The following NRXN2 variants were observed in gnomAD, a reference collection of about 807,000 sequenced individuals.
NRXN2 encodes the protein neurexin-2-beta.
A neutral mutation model predicts 128.8 loss-of-function variants in NRXN2; 29 were observed. That is an observed-to-expected ratio of 0.23 (90% CI 0.17 to 0.31). The LOEUF is 0.31. Among genes scored for constraint, NRXN2 ranks in the 10% least tolerant of loss-of-function variants. The pLI is 1.00. For synonymous variants in NRXN2, 1,098 were observed against 1,075.2 expected, an observed-to-expected ratio of 1.02 and a Z score of -0.41; for missense variants, 1,881 against 2,452.6, an observed-to-expected ratio of 0.77 and a Z score of 4.92.
At chr11:64,638,315 A>C (rs1037842710) in intron 17 of NRXN2, among the ~76,000 whole-genome samples, 1 of 152,230 alleles carries the variant, frequency 6.6e-6, no homozygotes, top group Admixed American at 6.5e-5. Context: ...CTTGGGCAGA[A>C]GAGGTGAAGG....
intron 6 of NRXN2, among the ~76,000 whole-genome samples, chr11:64,683,002 G>C (rs2052517276): frequency 6.6e-6 from 1 of 152,086 alleles, no homozygotes; most frequent in African/African-American, 2.4e-5. Context: ...AGTCTTTGGA[G>C]CTGGCCTTTG....
Position 64,651,799 on chromosome 11 carries a change from C to G in NRXN2, c.2537-163G>C, listed in dbSNP as rs2135455865. Among the ~76,000 whole-genome samples the G allele has an allele frequency of 6.6e-6, 1 of 152,220 alleles. No homozygotes were observed. The highest frequency in any genetic ancestry group is 2.1e-4 in the South Asian group (1 of 4,816). ...GCCAGCACAGCTCCAAGAGGAGTGGCAGGACTCGCCAGTCAAGAGCCAACA... is the reference window on the plus strand; with the variant it reads ...GCCAGCACAGCTCCAAGAGGAGTGGGAGGACTCGCCAGTCAAGAGCCAACA... On this transcript the variant is annotated intron_variant, in intron 13 of 22. Transcript: ENST00000265459. The surrounding 1 kb of genome is among the most constrained non-coding windows in gnomAD (Gnocchi z 5.9).
At chr11:64,657,727 G>A (rs749049879) in intron 11 of NRXN2, among the ~76,000 whole-genome samples, 1 of 152,204 alleles carries the variant, frequency 6.6e-6, no homozygotes, top group East Asian at 1.9e-4. Context: ...AGGCTTGGTG[G>A]CTGGGTAGGG....
At chr11:64,629,983 C>A (rs895909994) in intron 19 of NRXN2, among the ~76,000 whole-genome samples, 2 of 152,070 alleles carry the variant, frequency 1.3e-5, no homozygotes, top group South Asian at 4.1e-4. Flanking sequence ...TGCCAAGACA[C>A]GTTTTATATT....
At chr11:64,712,719 C>G (rs2057056138) in intron 2 of NRXN2, 2 of 652,444 alleles carry the variant, frequency 3.1e-6, no homozygotes, top group Non-Finnish European at 5.8e-6. Context: ...ACACAGGCTG[C>G]CCACAGGTCG....
Position 64,626,479 on chromosome 11 carries a change from C to T in NRXN2, c.3831G>A (p.Glu1277=), listed in dbSNP as rs2043082556. ...IPYRLGRVVD[E]WLLDKGRQLT... The stretch of plus-strand genomic sequence containing the variant: ...GTTAATTACCTTTGTCGAGCAGCCA[C>T]TCATCTACTACTCGACCAAGCCGGT... Residue 1277 remains glutamate, a synonymous_variant, in exon 20 of 23, where the codon GAG becomes GAA. Transcript: ENST00000265459. 1 of 1,612,188 alleles carries T rather than the reference C, an allele frequency of 6.2e-7. No homozygotes were observed. Among genetic ancestry groups the T allele is most frequent in the Non-Finnish European group, 8.5e-7 (1 of 1,178,370 alleles).
chr11:64,705,774 C>T (rs945985710), intron 2 of NRXN2, among the ~76,000 whole-genome samples: 3 of 151,310 alleles, frequency 2.0e-5, no homozygotes, highest in African/African-American at 7.3e-5. Flanking sequence ...ATTCCCCTCT[C>T]CTCTCACCCC....
At chr11:64,662,760 C>T (rs1177467293) in intron 9 of NRXN2, among the ~76,000 whole-genome samples, 14 of 151,180 alleles carry the variant, frequency 9.3e-5, no homozygotes, top group South Asian at 6.3e-4. Context: ...CCAGTCTGGG[C>T]GACAGAGCGA....
intron 17 of NRXN2, among the ~76,000 whole-genome samples, chr11:64,645,726 G>GT (rs1688814919): frequency 6.6e-6 from 1 of 152,104 alleles, no homozygotes; most frequent in Non-Finnish European, 1.5e-5. Flanking sequence ...AATTGAGGTG[G>GT]TAAGTGGGGA....
intron 22 of NRXN2, among the ~76,000 whole-genome samples, chr11:64,609,469 G>T (rs551191423): frequency 6.6e-6 from 1 of 152,184 alleles, no homozygotes; most frequent in Non-Finnish European, 1.5e-5. Context: ...GGGGAGAATG[G>T]GTCTCCCCAT....
chr11:64,658,998 T>C lies in NRXN2; in HGVS notation c.2389+1334A>G, dbSNP rs556879377. On this transcript the variant is annotated intron_variant, in intron 11 of 22. Coordinates refer to ENST00000265459, the MANE Select transcript of NRXN2 (RefSeq NM_015080.4). ...CAGATCACGCCACTGCACTCCCACCTGGGTGAAAGAGCGAGACTCCATCTC... is the reference window on the plus strand; with the variant it reads ...CAGATCACGCCACTGCACTCCCACCCGGGTGAAAGAGCGAGACTCCATCTC... 3.3e-5 allele frequency among the ~76,000 whole-genome samples: 5 copies of C among 152,334 alleles called. No homozygotes were observed. The South Asian group carries it at 1.0e-3, about 32-fold the overall frequency.
At chr11:64,715,720 C>T (rs1336318808) in intron 1 of NRXN2, among the ~76,000 whole-genome samples, 3 of 152,130 alleles carry the variant, frequency 2.0e-5, no homozygotes, top group Non-Finnish European at 4.4e-5. Context: ...GAATGTCCTG[C>T]CCCAACACCC....
rs2048873351 is a variant in NRXN2 at position 64,660,506 on chromosome 11, T to C, written c.2215A>G (p.Met739Val). The part of the protein sequence containing the change: ...EATVLSYDGS[M>V]YMKIMLPNAM... ...TTAGGCAGCATGATCTTCATGTACATGGAGCCATCGTAGCTCAGGACCGTG... is the reference window on the plus strand; with the variant it reads ...TTAGGCAGCATGATCTTCATGTACACGGAGCCATCGTAGCTCAGGACCGTG... The change falls in exon 11 of 23, where the codon ATG (methionine) becomes GTG (valine). Residue 739 changes from methionine to valine, a missense_variant. Coordinates refer to ENST00000265459, the MANE Select transcript of NRXN2 (RefSeq NM_015080.4). This position sits in a 1 kb window ranked among gnomAD's most constrained non-coding sequence, Gnocchi z 5.2. 6.2e-7 allele frequency: 1 copy of C among 1,614,082 alleles called. No individual in the cohort carries two copies. The highest frequency in any genetic ancestry group is 1.3e-5 in the African/African-American group (1 of 74,930).
chr11:64,611,187 G>A (rs558180282), intron 22 of NRXN2, among the ~76,000 whole-genome samples: 2 of 152,322 alleles, frequency 1.3e-5, no homozygotes, highest in African/African-American at 4.8e-5. Context: ...TTTCCTCTGA[G>A]CCAGGCCAGG....
chr11:64,607,228 T>C lies in NRXN2; in HGVS notation c.5107A>G (p.Lys1703Glu). The change falls in exon 23 of 23, where the codon AAG becomes GAG. Residue 1703 changes from lysine (K) to glutamate (E), a missense_variant. By Grantham distance (56) the Lys-to-Glu change is moderately conservative. Around this residue, in one of 7 missense-constraint regions of NRXN2, gnomAD observed 63 missense variants for 76.0 expected, o/e 0.83. Coordinates refer to ENST00000265459, the MANE Select transcript of NRXN2 (RefSeq NM_015080.4). The stretch of plus-strand genomic sequence containing the variant: ...TAATACTCCTTGTCTTTGTTCTTCT[T>C]GGCCTTGCTGGGCGTCTTGGGGGCA... ...PAAPKTPSKA[K>E]KNKDKEYYV is the part of the protein sequence containing the mutation. 1.2e-6 allele frequency: 2 copies of C among 1,613,700 alleles called. No homozygotes were observed. Among genetic ancestry groups the C allele is most frequent in the African/African-American group, 1.3e-5 (1 of 74,922 alleles).
rs900301274 is a variant in NRXN2, at chr11:64,630,723, C to T, written c.3586-150G>A. ...CCGCTGGAGGAGGTGGGCAGGCTCG[C>T]TCCCCTTCCCCACATGCAAGGGAGT... is the stretch of plus-strand genomic sequence containing the variant. On this transcript the variant is annotated intron_variant, in intron 18 of 22. Transcript: ENST00000265459. The surrounding 1 kb of genome is among the most constrained non-coding windows in gnomAD (Gnocchi z 4.6). 7 of 873,706 alleles carry T rather than the reference C, an allele frequency of 8.0e-6. No homozygotes were observed. Among genetic ancestry groups the T allele is most frequent in the Non-Finnish European group, 1.1e-5 (6 of 551,478 alleles). 54.1% of individuals were successfully genotyped at this position (873,706 alleles called of 1,614,324 possible). A position where few individuals can be genotyped will look rare whatever the true frequency, so the allele number is the denominator to read the frequency against.
intron 5 of NRXN2, among the ~76,000 whole-genome samples, chr11:64,690,197 C>A (rs1480849086): frequency 6.6e-6 from 1 of 152,176 alleles, no homozygotes; most frequent in Admixed American, 6.5e-5. Flanking sequence ...CTGGGCTTTG[C>A]GAAAGAAATG....
intron 1 of NRXN2, among the ~76,000 whole-genome samples, chr11:64,721,230 G>A (rs541628928): frequency 1.6e-3 from 242 of 152,062 alleles, no homozygotes; most frequent in African/African-American, 5.7e-3. Context: ...AAGGGTAAGC[G>A]GGAGGGAGCA....
In NRXN2 at chr11:64,609,556, T is replaced by A. The variant is rs183921588; in HGVS notation, c.4253-1474A>T. 7.2e-4 allele frequency among the ~76,000 whole-genome samples: 110 copies of A among 152,100 alleles called. 1 individual carries two copies. The highest frequency in any genetic ancestry group is 2.6e-3 in the African/African-American group (108 of 41,496). ...GCCCCCAAAAGGTGAGAACTATAACTCCCATCAGTCCTTGGAGGAGTGTAG... is the reference window on the plus strand; with the variant it reads ...GCCCCCAAAAGGTGAGAACTATAACACCCATCAGTCCTTGGAGGAGTGTAG... On this transcript the variant is annotated intron_variant, in intron 22 of 22. Coordinates refer to ENST00000265459, the MANE Select transcript of NRXN2 (RefSeq NM_015080.4).
Sources: allele counts gnomAD v4.1 joint callset (sites outside exome capture counted in the v4.1 genomes callset), GRCh38; gene constraint gnomAD v4.1.1; regional missense constraint gnomAD v4.1.1; non-coding constraint Gnocchi (gnomAD v3.1); transcripts MANE v1.5; gene names NCBI Gene and HGNC (gene_info 2026-07-23, HGNC 2026-07-21).